The following NALCN variants were observed in gnomAD, a reference collection of about 807,000 sequenced individuals.
NALCN encodes the protein sodium leak channel, non-selective.
NALCN carries 111 observed loss-of-function variants against 225.3 expected under a neutral mutation model. The observed-to-expected ratio is 0.49, with a 90% CI of 0.42 to 0.58. The LOEUF (loss-of-function observed/expected upper bound fraction) is 0.58, where lower values mean the gene tolerates loss of function less well. Among genes scored for constraint, NALCN ranks in the 20% least tolerant of loss-of-function variants. NALCN has a pLI of 0.00. For synonymous variants in NALCN, 764 were observed against 769.0 expected (o/e 0.99, Z 0.11); for missense variants, 1,378 against 2,202.4 (o/e 0.63, Z 7.49).
chr13:101,070,063 G>GTTTGTT (rs1555374994), intron 37 of NALCN, among the ~76,000 whole-genome samples: 2 of 98,314 alleles, frequency 2.0e-5, no homozygotes, highest in East Asian at 3.2e-4. Context: ...AATCATGAAT[G>GTTTGTT]TTTTTTTTTT....
intron 1 of NALCN, among the ~76,000 whole-genome samples, chr13:101,408,680 C>T (rs1469867530): frequency 1.3e-5 from 2 of 152,062 alleles, no homozygotes; most frequent in African/African-American, 4.8e-5. Context: ...TTCTTTCTGC[C>T]TCTCTCCTTC....
chr13:101,360,479 C>T (rs945407304), intron 6 of NALCN, among the ~76,000 whole-genome samples: 4 of 152,020 alleles, frequency 2.6e-5, no homozygotes, highest in Non-Finnish European at 4.4e-5. Flanking sequence ...GTCATCTGCC[C>T]GTCTTGACCT....
intron 39 of NALCN, among the ~76,000 whole-genome samples, chr13:101,067,374 G>C (rs2032508680): frequency 6.6e-6 from 1 of 151,754 alleles, no homozygotes; most frequent in Non-Finnish European, 1.5e-5. Context: ...GGAAGGGAAG[G>C]AGGTGGAGGT....
In NALCN at chr13:101,059,854, C is replaced by T. The variant is rs765186169; in HGVS notation, c.4869G>A (p.Thr1623=). ...TGCTGTTGTCCTGACTGTTGGCATT[C>T]GTGTCCTCACTGGGCTGGGTGGTCT... ...SIETTQPSED[T]NANSQDNSMQ... Residue 1623 remains threonine, a synonymous_variant, in exon 42 of 44, where the codon ACG becomes ACA. Transcript: ENST00000251127. The T allele has an allele frequency of 1.9e-5, 31 of 1,613,934 alleles. No homozygotes were observed. Among genetic ancestry groups the T allele is most frequent in the Middle Eastern group, 1.6e-4 (1 of 6,064 alleles).
intron 13 of NALCN, among the ~76,000 whole-genome samples, chr13:101,222,585 A>G (rs192867206): frequency 2.0e-4 from 30 of 152,248 alleles, no homozygotes; most frequent in Admixed American, 2.0e-3. Flanking sequence ...ATTGAGGGAT[A>G]GCGTTATGAT....
intron 32 of NALCN, 31 bp downstream of exon 32, chr13:101,083,061 A>T: frequency 6.2e-7 from 1 of 1,603,522 alleles, no homozygotes; most frequent in Non-Finnish European, 8.5e-7. Context: ...TACAAAATTC[A>T]TTCCCGGAGT....
chr13:101,273,042 T>C (rs570402537), intron 10 of NALCN, among the ~76,000 whole-genome samples: 2 of 152,344 alleles, frequency 1.3e-5, no homozygotes, highest in South Asian at 2.1e-4. Context: ...CGGTGGAATA[T>C]GCTACCAGAG....
intron 15 of NALCN, among the ~76,000 whole-genome samples, chr13:101,160,502 G>T (rs2139864588): frequency 6.6e-6 from 1 of 152,236 alleles, no homozygotes. Flanking sequence ...TGAATGAGTG[G>T]TTGGGGAGGA....
chr13:101,109,138 G>T (rs564161749), intron 20 of NALCN, among the ~76,000 whole-genome samples: 1 of 152,136 alleles, frequency 6.6e-6, no homozygotes, highest in Non-Finnish European at 1.5e-5. Context: ...TATTGAAGGC[G>T]CTTTGAATGA....
At chr13:101,097,958 A>G (rs1285165434) in intron 27 of NALCN, among the ~76,000 whole-genome samples, 2 of 152,194 alleles carry the variant, frequency 1.3e-5, no homozygotes, top group Non-Finnish European at 2.9e-5. Context: ...CAAGGCAGAA[A>G]TAGGTTCCAG....
intron 7 of NALCN, among the ~76,000 whole-genome samples, chr13:101,320,599 T>A (rs1038708588): frequency 6.6e-6 from 1 of 152,140 alleles, no homozygotes; most frequent in Non-Finnish European, 1.5e-5. Context: ...TCTATTTTTA[T>A]ATCCCATTAG....
Position 101,311,933 on chromosome 13 carries a change from T to C in NALCN, c.800-19567A>G, listed in dbSNP as rs868089710. ...TTGATTGGAATAGTTTCAGAAGGAA[T>C]GGTACCAGTTCCTCCTTGTACCTCT... is the stretch of plus-strand genomic sequence containing the variant. On this transcript the variant is annotated intron_variant, in intron 7 of 43. Transcript: ENST00000251127. Among the ~76,000 whole-genome samples, 46 of 152,240 alleles carry C rather than the reference T, an allele frequency of 3.0e-4. 1 individual carries two copies. Among genetic ancestry groups the C allele is most frequent in the African/African-American group, 1.1e-3 (45 of 41,546 alleles).
chr13:101,140,754 A>C (rs2037036234), intron 17 of NALCN, among the ~76,000 whole-genome samples: 1 of 152,126 alleles, frequency 6.6e-6, no homozygotes. Flanking sequence ...AGAGGTGATA[A>C]GTTTAATTTA....
intron 10 of NALCN, among the ~76,000 whole-genome samples, chr13:101,277,305 A>G (rs2043000524): frequency 1.3e-5 from 2 of 152,140 alleles, no homozygotes; most frequent in Non-Finnish European, 2.9e-5. Context: ...TTTTTAGTAC[A>G]TTTCATTTAT....
At chr13:101,174,607 A>G (rs1374074093) in intron 15 of NALCN, among the ~76,000 whole-genome samples, 1 of 152,206 alleles carries the variant, frequency 6.6e-6, no homozygotes, top group Non-Finnish European at 1.5e-5. Context: ...TAAATAAGTT[A>G]AAATGTTGAA....
chr13:101,195,765 G>A (rs1449633240), intron 13 of NALCN, among the ~76,000 whole-genome samples: 4 of 152,080 alleles, frequency 2.6e-5, no homozygotes, highest in Non-Finnish European at 1.5e-5. Context: ...TGTAAATCTC[G>A]ATTTCTTTTT....
chr13:101,116,465 A>G (rs142839508), intron 18 of NALCN: 10 of 512,048 alleles, frequency 2.0e-5, no homozygotes, highest in East Asian at 5.5e-5. Flanking sequence ...TTGGAGCTTT[A>G]TTAGCCTTTA....
chr13:101,369,632 G>A (rs549812130), intron 6 of NALCN, among the ~76,000 whole-genome samples: 4 of 152,248 alleles, frequency 2.6e-5, no homozygotes, highest in South Asian at 4.1e-4. Context: ...TTTGAAGCCA[G>A]CCTCTGTACC....
chr13:101,235,001 TAATA>T (rs2041499883), intron 12 of NALCN, among the ~76,000 whole-genome samples: 1 of 151,998 alleles, frequency 6.6e-6, no homozygotes, highest in Non-Finnish European at 1.5e-5. Context: ...TAATAATTTG[TAATA>T]AATTGGTTTC....
Sources: allele counts gnomAD v4.1 joint callset (sites outside exome capture counted in the v4.1 genomes callset), GRCh38; gene constraint gnomAD v4.1.1; transcripts MANE v1.5; gene names NCBI Gene and HGNC (gene_info 2026-07-23, HGNC 2026-07-21).